Variants in CDH9 observed in about 807,000 individuals in gnomAD.
CDH9 encodes cadherin 9, also known as cadherin-9.
In CDH9, 28 loss-of-function variants were observed where a neutral mutation model predicts 70.9. The ratio of observed to expected loss-of-function variants is 0.40; its 90% CI spans 0.29 to 0.54. CDH9 has a LOEUF of 0.54. Ranked by LOEUF, CDH9 falls within the 20% of genes least tolerant of loss-of-function variation. The pLI is 0.59. For missense variants in CDH9, 874 were observed against 984.4 expected (o/e 0.89, Z 1.50); for synonymous variants, 409 against 343.1 (o/e 1.19, Z -2.12).
intron 2 of CDH9, among the ~76,000 whole-genome samples, chr5:26,952,067 G>A (rs1343961357): frequency 6.7e-6 from 1 of 149,830 alleles, no homozygotes; most frequent in Non-Finnish European, 1.5e-5. Flanking sequence ...TGCAACCTCC[G>A]CCTCTCGGGT....
intron 7 of CDH9, among the ~76,000 whole-genome samples, chr5:26,894,311 T>C (rs1487719387): frequency 1.3e-5 from 2 of 152,156 alleles, no homozygotes; most frequent in African/African-American, 4.8e-5. Context: ...GAGATTTTGA[T>C]GGTATTTCTA....
chr5:26,945,458 G>C (rs957734393), intron 2 of CDH9, among the ~76,000 whole-genome samples: 1 of 151,748 alleles, frequency 6.6e-6, no homozygotes, highest in African/African-American at 2.4e-5. Flanking sequence ...TATACATCTG[G>C]CTATTACCTT....
At chr5:26,885,123 T>C (rs1259804187) in intron 11 of CDH9, among the ~76,000 whole-genome samples, 1 of 152,122 alleles carries the variant, frequency 6.6e-6, no homozygotes, top group East Asian at 1.9e-4. Flanking sequence ...CTGTTAACAG[T>C]TAGTAACTAT....
intron 7 of CDH9, among the ~76,000 whole-genome samples, chr5:26,900,886 T>TA (rs1254117641): frequency 1.3e-5 from 2 of 152,026 alleles, no homozygotes; most frequent in African/African-American, 4.8e-5. Context: ...CCTTGTCCTT[T>TA]AAAAAATAGA....
intron 3 of CDH9, among the ~76,000 whole-genome samples, chr5:26,912,191 G>A (rs1032684006): frequency 6.6e-6 from 1 of 151,976 alleles, no homozygotes; most frequent in African/African-American, 2.4e-5. Flanking sequence ...AAATCATTGT[G>A]TATTATTTAT....
At position 26,915,924 on chromosome 5, in the gene CDH9, GC is replaced by G. The variant is rs778065807; in HGVS notation, c.229-1del. 1 of 1,579,750 alleles carries G rather than the reference GC, an allele frequency of 6.3e-7. No homozygotes were observed. The highest frequency in any genetic ancestry group is 8.6e-7 in the Non-Finnish European group (1 of 1,161,114). Reference sequence around the variant, plus strand: ...TCTCCTTTATCTTGGTCAGTGTGAAGCTTTAGAGAGGTAGAAAAGAAGAGTT... The same window carrying G: ...TCTCCTTTATCTTGGTCAGTGTGAAGTTTAGAGAGGTAGAAAAGAAGAGTT... On this transcript the variant is annotated splice_acceptor_variant, in intron 2 of 11. Transcript: ENST00000231021. LOFTEE classifies it high-confidence loss of function.
intron 2 of CDH9, among the ~76,000 whole-genome samples, chr5:26,922,894 C>T (rs1457987193): frequency 6.6e-6 from 1 of 151,096 alleles, no homozygotes; most frequent in Non-Finnish European, 1.5e-5. Flanking sequence ...TCTTTGCTTG[C>T]TTGTTTGTTT....
At chr5:26,932,354 T>C (rs1741477664) in intron 2 of CDH9, among the ~76,000 whole-genome samples, 1 of 151,950 alleles carries the variant, frequency 6.6e-6, no homozygotes, top group East Asian at 1.9e-4. Context: ...AATATAATGG[T>C]ATGCAAAGCA....
At chr5:26,902,922 CT>C in intron 6 of CDH9, 193 bp from the exon 7 acceptor site, 1 of 514,442 alleles carries the variant, frequency 1.9e-6, no homozygotes, top group Non-Finnish European at 3.5e-6. Context: ...AGAGGGTTAA[CT>C]TAATATAATG....
chr5:27,002,664 G>A (rs939660967), intron 1 of CDH9, among the ~76,000 whole-genome samples: 8 of 152,046 alleles, frequency 5.3e-5, no homozygotes, highest in South Asian at 4.1e-4. Flanking sequence ...GCAAACTAAC[G>A]CAAGGACAAA....
At chr5:27,029,184 C>G (rs904411721) in intron 1 of CDH9, among the ~76,000 whole-genome samples, 4 of 151,716 alleles carry the variant, frequency 2.6e-5, no homozygotes, top group African/African-American at 9.7e-5. Context: ...TGACCTTAAA[C>G]TAATTTGAAA....
chr5:26,893,704 T>A, intron 7 of CDH9, among the ~76,000 whole-genome samples: 1 of 139,968 alleles, frequency 7.1e-6, no homozygotes, highest in African/African-American at 2.5e-5. Flanking sequence ...TTATTTTATT[T>A]TTATTTTTGG....
At chr5:26,978,207 T>C (rs1377544259) in intron 2 of CDH9, among the ~76,000 whole-genome samples, 1 of 151,812 alleles carries the variant, frequency 6.6e-6, no homozygotes. Context: ...AGAAATAGAC[T>C]TAAAGAAGAC....
chr5:26,946,841 G>T (rs1002958923), intron 2 of CDH9, among the ~76,000 whole-genome samples: 1 of 152,062 alleles, frequency 6.6e-6, no homozygotes, highest in African/African-American at 2.4e-5. Flanking sequence ...AAAAATAAAT[G>T]ACTACCGAAT....
At chr5:26,999,467 A>G (rs1430626569) in intron 1 of CDH9, among the ~76,000 whole-genome samples, 1 of 152,162 alleles carries the variant, frequency 6.6e-6, no homozygotes, top group Non-Finnish European at 1.5e-5. Context: ...ACAAAGCAAA[A>G]TAATTTCCAA....
At chr5:26,937,729 A>G (rs149137608) in intron 2 of CDH9, among the ~76,000 whole-genome samples, 12 of 152,260 alleles carry the variant, frequency 7.9e-5, no homozygotes, top group African/African-American at 2.9e-4. Flanking sequence ...GAAAAAGACT[A>G]TATACCATAG....
intron 1 of CDH9, among the ~76,000 whole-genome samples, chr5:26,990,294 GTCCAACACATCTA>G: frequency 6.6e-6 from 1 of 152,136 alleles, no homozygotes; most frequent in Non-Finnish European, 1.5e-5. Flanking sequence ...TACAGGTTCT[GTCCAACACATCTA>G]TGTACCTTGA....
chr5:26,958,291 C>G (rs1320085018), intron 2 of CDH9, among the ~76,000 whole-genome samples: 1 of 152,080 alleles, frequency 6.6e-6, no homozygotes, highest in Admixed American at 6.6e-5. Context: ...ACTCATCTTC[C>G]CCAAACCAAC....
At chr5:26,903,287 A>C in intron 6 of CDH9, 1 of 345,490 alleles carries the variant, frequency 2.9e-6, no homozygotes, top group South Asian at 2.6e-5. Context: ...TTATTTATTT[A>C]AATATATCAT....
Sources: gnomAD v4.1 joint callset for allele counts (sites outside exome capture counted in the v4.1 genomes callset) on GRCh38, gnomAD v4.1.1 for gene constraint, MANE v1.5 for transcripts, NCBI Gene and HGNC (gene_info 2026-07-23, HGNC 2026-07-21) for gene names.